The following PODXL2 variants were observed in gnomAD, a reference collection of about 807,000 sequenced individuals.
The protein encoded by PODXL2 is podocalyxin-like protein 2.
A neutral mutation model predicts 53.4 loss-of-function variants in PODXL2; 17 were observed. That is an observed-to-expected ratio of 0.32 (90% confidence interval 0.22 to 0.48). The LOEUF (loss-of-function observed/expected upper bound fraction) is 0.48. Among genes scored for constraint, PODXL2 ranks in the 20% least tolerant of loss-of-function variants. The pLI is 0.99. For missense variants in PODXL2, 673 were observed against 760.0 expected, an observed-to-expected ratio of 0.89 and a Z score of 1.35; for synonymous variants, 311 against 306.7, an observed-to-expected ratio of 1.01 and a Z score of -0.15.
chr3:127,635,402 A>G (rs765654476), intron 1 of PODXL2, among the ~76,000 whole-genome samples: 1 of 152,252 alleles, frequency 6.6e-6, no homozygotes, highest in Non-Finnish European at 1.5e-5. Flanking sequence ...GCCTTGGATC[A>G]TGCCTAGTCC....
intron 4 of PODXL2, among the ~76,000 whole-genome samples, chr3:127,666,608 C>T (rs1425618651): frequency 1.3e-5 from 2 of 152,072 alleles, no homozygotes; most frequent in East Asian, 3.8e-4. Flanking sequence ...CGGAGTTTGC[C>T]GTGTTGTCTG....
At chr3:127,633,330 C>T (rs1003306205) in intron 1 of PODXL2, among the ~76,000 whole-genome samples, 1 of 152,358 alleles carries the variant, frequency 6.6e-6, no homozygotes, top group Middle Eastern at 3.4e-3. Flanking sequence ...GCTTTCCATT[C>T]TTCTTCCTGG....
chr3:127,646,800 C>T (rs1389302898), intron 2 of PODXL2, among the ~76,000 whole-genome samples: 2 of 152,126 alleles, frequency 1.3e-5, no homozygotes, highest in African/African-American at 4.8e-5. Flanking sequence ...GAGGTTCAGA[C>T]CTTTGCCCAA....
chr3:127,651,577 T>G (rs1176649422), intron 2 of PODXL2, among the ~76,000 whole-genome samples: 1 of 152,162 alleles, frequency 6.6e-6, no homozygotes, highest in East Asian at 1.9e-4. Flanking sequence ...GCCATATTCT[T>G]GAAGATAATT....
At chr3:127,658,264 A>G (rs2074738073) in intron 2 of PODXL2, among the ~76,000 whole-genome samples, 1 of 152,116 alleles carries the variant, frequency 6.6e-6, no homozygotes, top group South Asian at 2.1e-4. Flanking sequence ...CAGGGAATCA[A>G]TTTTTCTTTT....
intron 2 of PODXL2, among the ~76,000 whole-genome samples, chr3:127,641,454 C>T (rs1276834914): frequency 6.6e-6 from 1 of 152,026 alleles, no homozygotes; most frequent in Non-Finnish European, 1.5e-5. Context: ...AGCGATCCTC[C>T]TCCCTTGGCC....
In PODXL2 at chr3:127,660,911, G is replaced by C; in HGVS notation, c.883G>C (p.Gly295Arg). ...CGAGGAAGCCACTGCAGGAGCAGCT[G>C]GTTTGTCTGGCCAGCACGAGGAGGT... ...ASEEATAGAA[G>R]LSGQHEEVPA... Residue 295 changes from glycine (G) to arginine (R), a missense_variant, in exon 3 of 8, where the codon GGT becomes CGT. Around this residue, in one of 3 missense-constraint regions of PODXL2, gnomAD observed 588 missense variants for 668.3 expected, o/e 0.88. Transcript: ENST00000342480. 1.9e-6 allele frequency: 3 copies of C among 1,614,254 alleles called. No individual in the cohort carries two copies. The highest frequency in any genetic ancestry group is 1.3e-5 in the African/African-American group (1 of 75,064).
Position 127,660,893 on chromosome 3 carries a change from G to A in PODXL2, c.865G>A (p.Ala289Thr), listed in dbSNP as rs2074763556. ...GGCTCCTCAGGAAGCAAGCGAGGAA[G>A]CCACTGCAGGAGCAGCTGGTTTGTC... ...FEAPQEASEE[A>T]TAGAAGLSGQ... Residue 289 changes from alanine (A) to threonine (T), a missense_variant, in exon 3 of 8, where the codon GCC (alanine) becomes ACC (threonine). Ala to Thr is a moderately conservative substitution (Grantham distance 58). Around this residue, in one of 3 missense-constraint regions of PODXL2, gnomAD observed 588 missense variants for 668.3 expected, o/e 0.88. Transcript: ENST00000342480. 1.2e-6 allele frequency: 2 copies of A among 1,614,264 alleles called. No homozygotes were observed. The highest frequency in any genetic ancestry group is 4.5e-5 in the East Asian group (2 of 44,890).
At chr3:127,654,915 C>T (rs2074712415) in intron 2 of PODXL2, among the ~76,000 whole-genome samples, 1 of 152,130 alleles carries the variant, frequency 6.6e-6, no homozygotes, top group African/African-American at 2.4e-5. Context: ...TGGCAAAACC[C>T]CGTCTCTACT....
Position 127,647,608 on chromosome 3 carries a change from TC to T in PODXL2, c.349+8086del, listed in dbSNP as rs564009433. Among the ~76,000 whole-genome samples, 365 of 152,328 alleles carry T rather than the reference TC, an allele frequency of 2.4e-3. 2 individuals are homozygous for T. Among genetic ancestry groups the T allele is most frequent in the African/African-American group, 8.4e-3 (351 of 41,586 alleles). On this transcript the variant is annotated intron_variant, in intron 2 of 7. Transcript: ENST00000342480. Reference sequence around the variant, plus strand: ...AGGAACAGGCTTCCAGCTCCAGCACTCGGCGTGCCGCCCTCAACGTGCTGGA... The same window carrying T: ...AGGAACAGGCTTCCAGCTCCAGCACTGGCGTGCCGCCCTCAACGTGCTGGA...
chr3:127,635,143 T>G (rs1486615854), intron 1 of PODXL2, among the ~76,000 whole-genome samples: 1 of 152,184 alleles, frequency 6.6e-6, no homozygotes, highest in Non-Finnish European at 1.5e-5. Context: ...GATCCCGGTG[T>G]TGTTATTTCC....
At chr3:127,639,555 A>G in intron 2 of PODXL2, 32 bp downstream of exon 2, 1 of 1,569,814 alleles carries the variant, frequency 6.4e-7, no homozygotes, top group Non-Finnish European at 8.6e-7. Context: ...GCATGTGTTG[A>G]GTGCCAGCCA....
intron 4 of PODXL2, among the ~76,000 whole-genome samples, chr3:127,666,937 G>A (rs576529664): frequency 1.4e-4 from 22 of 152,248 alleles, no homozygotes; most frequent in Non-Finnish European, 2.8e-4. Context: ...ACTTCATGTG[G>A]CAGGAGAGTG....
In PODXL2 at chr3:127,661,758, A is replaced by AT. The variant is rs571291374; in HGVS notation, c.1132-477dup. Among the ~76,000 whole-genome samples the AT allele has an allele frequency of 5.3e-3, 806 of 152,152 alleles. 7 individuals carry two copies. Among genetic ancestry groups the AT allele is most frequent in the African/African-American group, 0.018 (766 of 41,516 alleles). ...AGCCCACACTTAGACTTCTGCACTGATTCTACCAGCAGCTAGAGCTAGTGG... is the reference window on the plus strand; with the variant it reads ...AGCCCACACTTAGACTTCTGCACTGATTTCTACCAGCAGCTAGAGCTAGTGG... On this transcript the variant is annotated intron_variant, in intron 3 of 7. Transcript: ENST00000342480.
chr3:127,637,385 C>G (rs185658912), intron 1 of PODXL2, among the ~76,000 whole-genome samples: 1 of 152,088 alleles, frequency 6.6e-6, no homozygotes, highest in South Asian at 2.1e-4. Flanking sequence ...TTTTTTTCCC[C>G]GGGCCATGAA....
In PODXL2 at chr3:127,657,296, C is replaced by T. The variant is rs1398987475; in HGVS notation, c.350-3082C>T. Among the ~76,000 whole-genome samples, 5 of 152,158 alleles carry T rather than the reference C, an allele frequency of 3.3e-5. No individual in the cohort carries two copies. In the East Asian group the frequency reaches 9.6e-4, roughly 29 times the overall value. On this transcript the variant is annotated intron_variant, in intron 2 of 7. Coordinates refer to ENST00000342480, the MANE Select transcript of PODXL2 (RefSeq NM_015720.4). ...TCAGCTTGCCCTCCCAGGACTTCCC[C>T]ACCCCATGGGATTCTGCTGATGGGT...
rs138976862 is a variant in PODXL2, at chr3:127,641,735, C to T, written c.349+2212C>T. 3.2e-3 allele frequency among the ~76,000 whole-genome samples: 486 copies of T among 151,424 alleles called. 6 individuals are homozygous for T. Among genetic ancestry groups the T allele is most frequent in the South Asian group, 0.014 (65 of 4,766 alleles). ...TTCTCCATGTTGGTCAGGCTAGTCT[C>T]GAACTCCTGACCTCAGGTGATGTGC... On this transcript the variant is annotated intron_variant, in intron 2 of 7. Transcript: ENST00000342480.
At chr3:127,651,023 G>T (rs1323516529) in intron 2 of PODXL2, among the ~76,000 whole-genome samples, 3 of 152,134 alleles carry the variant, frequency 2.0e-5, no homozygotes, top group Non-Finnish European at 2.9e-5. Flanking sequence ...CCAACGCTTC[G>T]GGAGGCCGAG....
chr3:127,660,471 A>T lies in PODXL2; in HGVS notation c.443A>T (p.Lys148Met). Reference protein sequence around the residue: ...ELPNLPSPLPKMNLVEPPWHM... With the variant: ...ELPNLPSPLPMMNLVEPPWHM... ...CCAAACCTCCCCTCTCCCTTGCCCAAGATGAATCTGGTTGAGCCTCCCTGG... is the reference window on the plus strand; with the variant it reads ...CCAAACCTCCCCTCTCCCTTGCCCATGATGAATCTGGTTGAGCCTCCCTGG... Residue 148 changes from lysine to methionine, a missense_variant, in exon 3 of 8, where the codon AAG (lysine) becomes ATG (methionine). By Grantham distance (95) the Lys-to-Met change is moderately conservative (BLOSUM62 -1). Transcript: ENST00000342480. 1.9e-6 allele frequency: 3 copies of T among 1,614,184 alleles called. No homozygotes were observed. Among genetic ancestry groups the T allele is most frequent in the Non-Finnish European group, 2.5e-6 (3 of 1,180,034 alleles).
Sources: gnomAD v4.1 joint callset for allele counts (sites outside exome capture counted in the v4.1 genomes callset) on GRCh38, gnomAD v4.1.1 for gene constraint, gnomAD v4.1.1 regional missense constraint, MANE v1.5 for transcripts, NCBI Gene and HGNC (gene_info 2026-07-23, HGNC 2026-07-21) for gene names.